CEACAM18: variants seen among roughly 807,000 people sequenced by gnomAD.
CEACAM18 encodes cell adhesion molecule CEACAM18.
In CEACAM18, 33 loss-of-function variants were observed where a neutral mutation model predicts 34.3. The ratio of observed to expected loss-of-function variants is 0.96; its 90% CI spans 0.73 to 1.29. The LOEUF is 1.29. CEACAM18 is among the 50% of genes most tolerant of loss of function. CEACAM18 has a pLI of 0.00. For synonymous variants in CEACAM18, 169 were observed against 180.9 expected (o/e 0.93, Z 0.53); for missense variants, 474 against 485.0 (o/e 0.98, Z 0.21).
chr19:51,480,388 A>C, exon 2 of CEACAM18: 2 of 1,612,998 alleles, frequency 1.2e-6, no homozygotes, highest in Non-Finnish European at 1.7e-6. Context: ...TCATCACCCA[A>C]ACCCTGGGGA....
exon 4 of CEACAM18, chr19:51,483,023 C>T (rs1278058740): frequency 6.2e-7 from 1 of 1,613,740 alleles, no homozygotes; most frequent in Admixed American, 1.7e-5. Context: ...ACAGATGGGC[C>T]CGACTATGTG....
intron 3 of CEACAM18, among the ~76,000 whole-genome samples, 164 bp downstream of exon 3, chr19:51,481,829 A>G (rs1989921669): frequency 6.6e-6 from 1 of 152,126 alleles, no homozygotes; most frequent in Admixed American, 6.5e-5. Flanking sequence ...GAGCCCTGTG[A>G]ACTTGGGAGC....
At chr19:51,487,594 G>A (rs914254077) in intron 5 of CEACAM18, among the ~76,000 whole-genome samples, 6 of 152,042 alleles carry the variant, frequency 3.9e-5, no homozygotes, top group African/African-American at 1.2e-4. Flanking sequence ...GTGAAATCCC[G>A]TCTCTACTAA....
At chr19:51,490,951 G>A (rs1316195456) in exon 6 of CEACAM18, 4 of 267,912 alleles carry the variant, frequency 1.5e-5, no homozygotes, top group Non-Finnish European at 2.8e-5. Flanking sequence ...CCTCAGCTCC[G>A]GCGCTTCCAG....
chr19:51,485,170 G>T, intron 5 of CEACAM18, 48 bp downstream of exon 5: 4 of 1,451,476 alleles, frequency 2.8e-6, no homozygotes, highest in Non-Finnish European at 3.6e-6. Flanking sequence ...CTGGGGGCTG[G>T]GACTCAGGAG....
intron 4 of CEACAM18, 130 bp downstream of exon 4, chr19:51,483,426 T>C (rs1989951847): frequency 4.5e-6 from 5 of 1,117,198 alleles, no homozygotes; most frequent in Non-Finnish European, 6.5e-6. Context: ...GGGTGAAATC[T>C]CCCAGTTCTC....
In CEACAM18 at chr19:51,490,597, G is replaced by T. The variant is rs1599947549; in HGVS notation, c.1100G>T (p.Gly367Val). 7 of 1,232,320 alleles carry T rather than the reference G, an allele frequency of 5.7e-6. No individual in the cohort carries two copies. In the East Asian group the frequency reaches 2.2e-4, roughly 39 times the overall value. 76.3% of individuals were successfully genotyped at this position (1,232,320 alleles called of 1,614,324 possible). Residue 367 changes from glycine to valine, a missense_variant, in exon 6 of 6, where the codon GGC becomes GTC. Gly to Val is a moderately radical substitution (Grantham distance 109, BLOSUM62 -3). Transcript: ENST00000396477. Reference sequence around the variant, plus strand: ...GATTTCTCCCCATAGGACAAATCGGGCTCCATGAGTGTCCACCCCAGACCT... The same window carrying T: ...GATTTCTCCCCATAGGACAAATCGGTCTCCATGAGTGTCCACCCCAGACCT...
At chr19:51,489,441 A>C (rs1003308977) in intron 5 of CEACAM18, among the ~76,000 whole-genome samples, 4 of 151,978 alleles carry the variant, frequency 2.6e-5, no homozygotes, top group Non-Finnish European at 4.4e-5. Flanking sequence ...GGATCTGGAT[A>C]CCACCCAAAA....
At chr19:51,483,876 G>A (rs1180327222) in intron 4 of CEACAM18, among the ~76,000 whole-genome samples, 3 of 152,204 alleles carry the variant, frequency 2.0e-5, no homozygotes, top group Non-Finnish European at 4.4e-5. Flanking sequence ...AATGGGGAAA[G>A]CATCTTCTTA....
At chr19:51,478,552 T>C (rs760718373), upstream of CEACAM18, 11 of 1,182,766 alleles carry the variant, frequency 9.3e-6, no homozygotes, top group Non-Finnish European at 1.2e-6. Context: ...ACCGGCAGCC[T>C]CTGTGCCAGG....
At chr19:51,490,152 C>T (rs1990067569) in intron 5 of CEACAM18, among the ~76,000 whole-genome samples, 1 of 152,190 alleles carries the variant, frequency 6.6e-6, no homozygotes, top group Admixed American at 6.5e-5. Flanking sequence ...ACCCTCATTT[C>T]TTCATCTGCA....
chr19:51,480,697 T>A lies in CEACAM18; in HGVS notation c.400+17T>A, dbSNP rs766359640. On this transcript the variant is annotated intron_variant, in intron 2 of 5. Coordinates refer to ENST00000396477, the Ensembl canonical transcript of CEACAM18. ...AGGTTCTAGGTGGGTTAGCAGGTGC[T>A]GTGTTTCCCAACCCCCAAGGAGAGC... The A allele has an allele frequency of 6.3e-7, 1 of 1,596,890 alleles. No homozygotes were observed. The highest frequency in any genetic ancestry group is 8.5e-7 in the Non-Finnish European group (1 of 1,170,094).
intron 4 of CEACAM18, 137 bp from the exon 5 acceptor site, chr19:51,484,850 C>G (rs10414127): frequency 9.1e-7 from 1 of 1,100,310 alleles, no homozygotes; most frequent in Non-Finnish European, 1.3e-6. Context: ...CTGAATCCCT[C>G]GTACCTGGAA....
At chr19:51,485,486 G>C (rs896038716) in intron 5 of CEACAM18, among the ~76,000 whole-genome samples, 1 of 152,226 alleles carries the variant, frequency 6.6e-6, no homozygotes, top group Non-Finnish European at 1.5e-5. Flanking sequence ...TGGGGAAACA[G>C]GTATCAGCGG....
rs1989979066 is a variant in CEACAM18, at chr19:51,485,182, C to T, written c.1089+60C>T. On this transcript the variant is annotated intron_variant, in intron 5 of 5. Transcript: ENST00000396477. Reference sequence around the variant, plus strand: ...TGGCTGGGGGCTGGGACTCAGGAGCCAGCCCTCCCTCCAGAGGGGAAGCAG... The same window carrying T: ...TGGCTGGGGGCTGGGACTCAGGAGCTAGCCCTCCCTCCAGAGGGGAAGCAG... 5 of 1,433,992 alleles carry T rather than the reference C, an allele frequency of 3.5e-6. No homozygotes were observed. In the Admixed American group the frequency reaches 1.0e-4, roughly 29 times the overall value. 88.8% of individuals were successfully genotyped at this position (1,433,992 alleles called of 1,614,324 possible).
At chr19:51,489,047 G>T (rs1434450879) in intron 5 of CEACAM18, among the ~76,000 whole-genome samples, 1 of 151,098 alleles carries the variant, frequency 6.6e-6, no homozygotes, top group African/African-American at 2.4e-5. Context: ...GCTTCCACTC[G>T]AATTTCTTCA....
At chr19:51,483,370 C>T (rs2122185898) in intron 4 of CEACAM18, 74 bp downstream of exon 4, 1 of 1,541,554 alleles carries the variant, frequency 6.5e-7, no homozygotes, top group Middle Eastern at 2.3e-4. Context: ...AGTGCCCACC[C>T]TCAGGAGTGC....
intron 3 of CEACAM18, among the ~76,000 whole-genome samples, chr19:51,482,589 C>T (rs1278278794): frequency 6.6e-6 from 1 of 152,190 alleles, no homozygotes; most frequent in Admixed American, 6.5e-5. Flanking sequence ...CTGAGACTGG[C>T]TCAATCCTTC....
At chr19:51,483,796 A>G (rs1025965604) in intron 4 of CEACAM18, among the ~76,000 whole-genome samples, 2 of 152,186 alleles carry the variant, frequency 1.3e-5, no homozygotes, top group Non-Finnish European at 2.9e-5. Flanking sequence ...CAGGGACGGG[A>G]TGGGTGGACG....
Sources: allele counts gnomAD v4.1 joint callset (sites outside exome capture counted in the v4.1 genomes callset), GRCh38; gene constraint gnomAD v4.1.1; transcripts MANE v1.5; gene names NCBI Gene and HGNC (gene_info 2026-07-23, HGNC 2026-07-21).